Variants in OSBPL8 observed in about 807,000 individuals in gnomAD.
OSBPL8 encodes oxysterol-binding protein-related protein 8.
Under a neutral mutation model 125.5 loss-of-function variants are expected in OSBPL8, and 59 were observed. The observed-to-expected ratio is 0.47, with a 90% CI of 0.38 to 0.58. The LOEUF is 0.58. Among genes scored for constraint, OSBPL8 ranks in the 20% least tolerant of loss-of-function variants. OSBPL8 has a pLI of 0.00. For missense variants in OSBPL8, 758 were observed against 1,047.8 expected (o/e 0.72, Z 3.82); for synonymous variants, 330 against 338.9 (o/e 0.97, Z 0.29).
Position 76,397,711 on chromosome 12 carries a change from A to G in OSBPL8, c.655T>C (p.Ser219Pro). 3.7e-6 allele frequency: 6 copies of G among 1,613,982 alleles called. No individual in the cohort carries two copies. Among genetic ancestry groups the G allele is most frequent in the Non-Finnish European group, 5.1e-6 (6 of 1,179,946 alleles). The change falls in exon 8 of 24, where the codon TCT becomes CCT. Residue 219 changes from serine to proline, a missense_variant. This residue lies in a region of OSBPL8 where 69 missense variants were observed against 148.7 expected (regional missense o/e 0.46). Transcript: ENST00000261183. ...TTACATACCTTCACTGCCCAAATAG[A>G]TTGCTCCAAAGGATGGAAAAGTTTG... ...CFKLFHPLEQ[S>P]IWAVKGPKGE... is the part of the protein sequence containing the mutation.
At chr12:76,361,628 G>A (rs1184212717) in intron 21 of OSBPL8, among the ~76,000 whole-genome samples, 2 of 152,192 alleles carry the variant, frequency 1.3e-5, no homozygotes, top group African/African-American at 4.8e-5. Context: ...TAAATTTGAT[G>A]TTCAGTTCCA....
Position 76,369,639 on chromosome 12 carries a change from T to G in OSBPL8, c.2238A>C (p.Ala746=). 6.2e-7 allele frequency: 1 copy of G among 1,612,108 alleles called. No individual in the cohort carries two copies. The highest frequency in any genetic ancestry group is 8.5e-7 in the Non-Finnish European group (1 of 1,178,506). The part of the protein sequence containing the change: ...PLTGEWHYKF[A]DTRPWDPLND... Reference sequence around the variant, plus strand: ...ATAAACTATTTTAAGTTACTTACTCTGCAAACTTGTAATGCCATTCTCCTG... The same window carrying G: ...ATAAACTATTTTAAGTTACTTACTCGGCAAACTTGTAATGCCATTCTCCTG... Residue 746 remains alanine (A), a splice_region_variant and synonymous_variant, in exon 20 of 24, where the codon GCA becomes GCC. Transcript: ENST00000261183.
At chr12:76,430,814 GACAA>G (rs1870728207) in intron 4 of OSBPL8, among the ~76,000 whole-genome samples, 3 of 152,084 alleles carry the variant, frequency 2.0e-5, no homozygotes. Flanking sequence ...GACTTTCCTA[GACAA>G]ACAAAAAATG....
At chr12:76,362,761 A>G (rs940931492) in intron 21 of OSBPL8, among the ~76,000 whole-genome samples, 10 of 152,360 alleles carry the variant, frequency 6.6e-5, no homozygotes, top group East Asian at 1.9e-4. Context: ...TGCAGATGAC[A>G]TGACTGTATA....
At chr12:76,368,527 G>C (rs1952504456) in intron 21 of OSBPL8, among the ~76,000 whole-genome samples, 1 of 152,014 alleles carries the variant, frequency 6.6e-6, no homozygotes, top group Admixed American at 6.6e-5. Flanking sequence ...ATAATGCAAT[G>C]ATAACCCACT....
rs377289312 is a variant in OSBPL8 at position 76,380,528 on chromosome 12, C to CCA, written c.1631-1979_1631-1978insTG. 7.8e-5 allele frequency among the ~76,000 whole-genome samples: 7 copies of CCA among 89,264 alleles called. No individual in the cohort carries two copies. The South Asian group carries it at 3.4e-3, about 44-fold the overall frequency. The allele number at this position is 89,264 out of a possible 152,430, so 58.6% of individuals were successfully genotyped here. On this transcript the variant is annotated intron_variant, in intron 15 of 23. Transcript: ENST00000261183. ...CCAGCAACATAGTGAGACACTGTCC[C>CCA]AAAAAAAAAAAAAAAAAAACCCTCT...
intron 1 of OSBPL8, among the ~76,000 whole-genome samples, chr12:76,496,919 T>A (rs1359214196): frequency 6.6e-6 from 1 of 152,118 alleles, no homozygotes; most frequent in Non-Finnish European, 1.5e-5. Context: ...CTGGCCTCAA[T>A]CCTCTCACTT....
intron 1 of OSBPL8, among the ~76,000 whole-genome samples, chr12:76,509,567 T>C (rs1025614043): frequency 7.2e-5 from 11 of 152,228 alleles, no homozygotes; most frequent in Non-Finnish European, 1.6e-4. Flanking sequence ...GTATAGTACA[T>C]ATGCTTCCTA....
At chr12:76,484,707 TC>T (rs1178092735) in intron 2 of OSBPL8, among the ~76,000 whole-genome samples, 1 of 152,148 alleles carries the variant, frequency 6.6e-6, no homozygotes, top group Non-Finnish European at 1.5e-5. Context: ...GATCCACTTC[TC>T]CCAGATCTAA....
chr12:76,453,596 A>G (rs530794329), intron 3 of OSBPL8, among the ~76,000 whole-genome samples: 58 of 152,298 alleles, frequency 3.8e-4, no homozygotes, highest in African/African-American at 1.3e-3. Context: ...GACTACAGAC[A>G]TAATGTAAAA....
At chr12:76,464,393 G>A (rs75413870) in intron 2 of OSBPL8, among the ~76,000 whole-genome samples, 26,571 of 152,032 alleles carry the variant, frequency 0.17, 2,498 homozygotes, top group Middle Eastern at 0.24. Flanking sequence ...TAAGTACATC[G>A]ATAAGATATA....
intron 21 of OSBPL8, among the ~76,000 whole-genome samples, chr12:76,362,844 C>CA (rs200464551): frequency 0.05 from 7,579 of 152,210 alleles, 249 homozygotes; most frequent in South Asian, 0.095. Flanking sequence ...TCTCAGGATA[C>CA]AAAAAAATCA....
In OSBPL8 at chr12:76,494,613, G is replaced by A. The variant is rs73385521; in HGVS notation, c.-67-6995C>T. Among the ~76,000 whole-genome samples the A allele has an allele frequency of 6.4e-3, 967 of 152,086 alleles. 11 individuals are homozygous for A. Among genetic ancestry groups the A allele is most frequent in the African/African-American group, 0.023 (934 of 41,496 alleles). Reference sequence around the variant, plus strand: ...GATTTCCTGAAAAACTGAATATGGCGTGAGGATGAGAAAAGATACAAGATG... The same window carrying A: ...GATTTCCTGAAAAACTGAATATGGCATGAGGATGAGAAAAGATACAAGATG... On this transcript the variant is annotated intron_variant, in intron 1 of 23. Transcript: ENST00000261183.
At chr12:76,437,875 A>T (rs1455424191) in intron 4 of OSBPL8, among the ~76,000 whole-genome samples, 1 of 152,164 alleles carries the variant, frequency 6.6e-6, no homozygotes, top group Non-Finnish European at 1.5e-5. Context: ...ACTGTTGTGT[A>T]TCTTATTTTC....
chr12:76,385,064 G>A (rs1953251680), intron 14 of OSBPL8, among the ~76,000 whole-genome samples: 1 of 152,146 alleles, frequency 6.6e-6, no homozygotes, highest in Non-Finnish European at 1.5e-5. Context: ...ATAATCTAAT[G>A]CCTTCAACAA....
intron 5 of OSBPL8, among the ~76,000 whole-genome samples, chr12:76,409,948 T>C (rs1347034633): frequency 3.3e-5 from 5 of 152,164 alleles, no homozygotes; most frequent in Non-Finnish European, 5.9e-5. Context: ...CAGCCAAAAG[T>C]TGAATTCCTT....
rs567224397 is a variant in OSBPL8 at position 76,372,785 on chromosome 12, C to T, written c.1917+559G>A. Among the ~76,000 whole-genome samples, 8 of 152,260 alleles carry T rather than the reference C, an allele frequency of 5.3e-5. No individual in the cohort carries two copies. The South Asian group carries it at 1.7e-3, about 32-fold the overall frequency. ...GCAGAGAAGTAAATAAAAGCCATTG[C>T]TCTCACACACCACTATATCCTTTCC... On this transcript the variant is annotated intron_variant, in intron 18 of 23. Transcript: ENST00000261183.
Position 76,390,546 on chromosome 12 carries a change from C to T in OSBPL8, c.1041G>A (p.Met347Ile). The change falls in exon 11 of 24, where the codon ATG (methionine) becomes ATA (isoleucine). Residue 347 changes from methionine (M) to isoleucine (I), a missense_variant. Met to Ile is a conservative substitution (Grantham distance 10). Transcript: ENST00000261183. ...QEHDESDNEV[M>I]GKSEESDTDT... The stretch of plus-strand genomic sequence containing the variant: ...CTGTGTCACTTTCTTCACTTTTCCC[C>T]ATCACCTCATTATCAGACTCATCAT... 6.2e-7 allele frequency: 1 copy of T among 1,613,714 alleles called. No individual in the cohort carries two copies. Among genetic ancestry groups the T allele is most frequent in the Non-Finnish European group, 8.5e-7 (1 of 1,179,800 alleles).
At chr12:76,459,838 G>A (rs368469655) in intron 3 of OSBPL8, 21 bp downstream of exon 3, 21 of 1,613,050 alleles carry the variant, frequency 1.3e-5, no homozygotes, top group South Asian at 5.5e-5. Context: ...CAAACATGCC[G>A]TTCAAGCTTC....
Sources: allele counts gnomAD v4.1 joint callset (sites outside exome capture counted in the v4.1 genomes callset), GRCh38; gene constraint gnomAD v4.1.1; regional missense constraint gnomAD v4.1.1; transcripts MANE v1.5; gene names NCBI Gene and HGNC (gene_info 2026-07-23, HGNC 2026-07-21).